The following STON2 variants were observed in gnomAD, a reference collection of about 807,000 sequenced individuals.
STON2 encodes stonin 2.
In STON2, 29 loss-of-function variants were observed where a neutral mutation model predicts 65.7. The ratio of observed to expected loss-of-function variants is 0.44; its 90% CI spans 0.33 to 0.60. STON2 has a LOEUF of 0.60. STON2 is among the 20% of genes least tolerant of loss of function. The pLI, the probability that STON2 is intolerant of heterozygous loss-of-function variation, is 0.03. For missense variants in STON2, 1,054 were observed against 1,118.1 expected, an observed-to-expected ratio of 0.94 and a Z score of 0.82; for synonymous variants, 404 against 414.2, an observed-to-expected ratio of 0.98 and a Z score of 0.30.
intron 4 of STON2, among the ~76,000 whole-genome samples, chr14:81,332,537 T>C (rs1163999716): frequency 1.3e-5 from 2 of 152,344 alleles, no homozygotes; most frequent in South Asian, 2.1e-4. Flanking sequence ...TTACCATATG[T>C]TCCCCACATG....
chr14:81,382,247 CA>C (rs1899560693), intron 3 of STON2, among the ~76,000 whole-genome samples: 1 of 140,500 alleles, frequency 7.1e-6, no homozygotes, highest in Non-Finnish European at 1.5e-5. Flanking sequence ...AGAAAAGAAA[CA>C]ATCCAAATGT....
chr14:81,400,658 A>C (rs1268784343), upstream of STON2, among the ~76,000 whole-genome samples: 1 of 152,124 alleles, frequency 6.6e-6, no homozygotes, highest in East Asian at 1.9e-4. Context: ...ATATTTAAAA[A>C]TTTTAAACTG....
intron 5 of STON2, among the ~76,000 whole-genome samples, chr14:81,281,718 A>G (rs1164504864): frequency 6.6e-6 from 1 of 152,250 alleles, no homozygotes; most frequent in Admixed American, 6.5e-5. Flanking sequence ...TCATTTTCTT[A>G]CAATAAATTC....
chr14:81,315,097 G>A (rs961608148), intron 5 of STON2, among the ~76,000 whole-genome samples: 14 of 152,210 alleles, frequency 9.2e-5, no homozygotes, highest in African/African-American at 3.1e-4. Context: ...GGTAAATGCA[G>A]AGGAAAACCT....
chr14:81,401,740 A>G (rs143182373), upstream of STON2, among the ~76,000 whole-genome samples: 2 of 152,340 alleles, frequency 1.3e-5, no homozygotes, highest in Non-Finnish European at 2.9e-5. Flanking sequence ...CATTTCAGAG[A>G]GCTACTTCTT....
chr14:81,370,984 T>G lies in STON2; in HGVS notation c.571+4A>C. On this transcript the variant is annotated splice_donor_region_variant and intron_variant, in intron 4 of 7. Coordinates refer to ENST00000614646, the MANE Select transcript of STON2 (RefSeq NM_001394390.1). The stretch of plus-strand genomic sequence containing the variant: ...AAGCCCTCTGGCTTAGAGCTCCATC[T>G]TACCAGTTGAGTCAGCCCCAGAAGC... The G allele has an allele frequency of 1.2e-6, 2 of 1,611,998 alleles. No individual in the cohort carries two copies. The highest frequency in any genetic ancestry group is 1.7e-6 in the Non-Finnish European group (2 of 1,179,602).
intron 1 of STON2, among the ~76,000 whole-genome samples, chr14:81,428,504 C>T (rs1002402990): frequency 3.9e-5 from 6 of 152,190 alleles, no homozygotes; most frequent in Non-Finnish European, 5.9e-5. Flanking sequence ...AGGTGGGCTG[C>T]TTGAGGCCAG....
intron 2 of STON2, among the ~76,000 whole-genome samples, chr14:81,409,902 T>C (rs973138624): frequency 6.6e-6 from 1 of 152,238 alleles, no homozygotes; most frequent in Non-Finnish European, 1.5e-5. Context: ...CACCAACTTC[T>C]AGCTAGTTAA....
At chr14:81,274,604 A>C (rs1031177165) in intron 6 of STON2, among the ~76,000 whole-genome samples, 2 of 147,118 alleles carry the variant, frequency 1.4e-5, no homozygotes, top group Non-Finnish European at 3.0e-5. Context: ...GTCAAAATGC[A>C]CTCCTCTCCC....
At chr14:81,428,131 C>T (rs1015117180) in intron 1 of STON2, among the ~76,000 whole-genome samples, 3 of 152,172 alleles carry the variant, frequency 2.0e-5, no homozygotes, top group African/African-American at 7.2e-5. Context: ...TAAAACTCAA[C>T]GCATGATAGC....
rs185747065 is a variant in STON2 at position 81,431,705 on chromosome 14, G to C, written c.-309-4493C>G. 2.3e-3 allele frequency among the ~76,000 whole-genome samples: 343 copies of C among 151,992 alleles called. 2 individuals carry two copies. The highest frequency in any genetic ancestry group is 8.0e-3 in the African/African-American group (331 of 41,456). On this transcript the variant is annotated intron_variant, in intron 1 of 8. Coordinates refer to the STON2 transcript ENST00000553821. ...AGGCAAGAGAATTGCTTGAACCCGG[G>C]AGCCGGAGGTTGCAGTAAGCCGATA...
At position 81,371,143 on chromosome 14, in the gene STON2, T is replaced by A. The variant is rs377110189; in HGVS notation, c.416A>T (p.Asp139Val). The A allele has an allele frequency of 1.2e-6, 2 of 1,613,568 alleles. No individual in the cohort carries two copies. Among genetic ancestry groups the A allele is most frequent in the African/African-American group, 2.7e-5 (2 of 74,740 alleles). Residue 139 changes from aspartate (D) to valine (V), a missense_variant, in exon 4 of 8, where the codon GAC (aspartate) becomes GTC (valine). Physicochemically the swap from Asp to Val is radical, Grantham distance 152. Transcript: ENST00000614646. ...AGTCAGAGGGCATCTCCCCAGGGAG[T>A]CAAAGGAAGGGCATGTCCAGCAGGG... is the stretch of plus-strand genomic sequence containing the variant. ...TMPCWTCPSF[D>V]SLGRCPLTSE...
chr14:81,363,074 T>C (rs932676542), intron 4 of STON2, among the ~76,000 whole-genome samples: 2 of 152,178 alleles, frequency 1.3e-5, no homozygotes, highest in Admixed American at 1.3e-4. Context: ...CCTCCCACAG[T>C]ATACCAGGCA....
intron 4 of STON2, among the ~76,000 whole-genome samples, chr14:81,358,561 T>G (rs1898354775): frequency 1.3e-5 from 2 of 152,170 alleles, no homozygotes; most frequent in South Asian, 4.1e-4. Context: ...ATACTTACCT[T>G]GAATGTAAAT....
intron 2 of STON2, among the ~76,000 whole-genome samples, chr14:81,406,644 T>C (rs953613080): frequency 1.3e-5 from 2 of 152,198 alleles, no homozygotes; most frequent in Non-Finnish European, 2.9e-5. Flanking sequence ...AGGCTTTCCA[T>C]ACTTGGTTGG....
At chr14:81,296,706 G>A (rs1254548384) in intron 5 of STON2, among the ~76,000 whole-genome samples, 5 of 152,096 alleles carry the variant, frequency 3.3e-5, no homozygotes, top group African/African-American at 1.2e-4. Flanking sequence ...AAACACAGAG[G>A]GTTGCTTCCT....
chr14:81,264,723 C>G lies in STON2; in HGVS notation c.*3691G>C. On this transcript the variant is annotated 3_prime_UTR_variant, in exon 8 of 8. Coordinates refer to ENST00000614646, the MANE Select transcript of STON2 (RefSeq NM_001394390.1). ...ACCCTGCCAATAATGCAGGAAGGCACAGTAAGGGAAGAGCCAAATAGAAAA... is the reference window on the plus strand; with the variant it reads ...ACCCTGCCAATAATGCAGGAAGGCAGAGTAAGGGAAGAGCCAAATAGAAAA... 1 of 985,316 alleles carries G rather than the reference C, an allele frequency of 1.0e-6. No homozygotes were observed. The highest frequency in any genetic ancestry group is 1.7e-5 in the African/African-American group (1 of 57,304). 61.0% of individuals were successfully genotyped at this position (985,316 alleles called of 1,614,324 possible).
In STON2 at chr14:81,408,884, T is replaced by C. The variant is rs531158902; in HGVS notation, c.-198-10304A>G. Among the ~76,000 whole-genome samples, 20 of 152,304 alleles carry C rather than the reference T, an allele frequency of 1.3e-4. 2 individuals carry two copies. Among genetic ancestry groups the C allele is most frequent in the Admixed American group, 1.2e-3 (19 of 15,298 alleles). ...TCTGGTAGGAGGTCAGGCTTTAAAGTTTGCAAAACATTTTCCAGTTCCTTG... is the reference window on the plus strand; with the variant it reads ...TCTGGTAGGAGGTCAGGCTTTAAAGCTTGCAAAACATTTTCCAGTTCCTTG... On this transcript the variant is annotated intron_variant, in intron 2 of 8. Transcript: ENST00000553821.
chr14:81,279,683 T>A (rs1193463609), intron 5 of STON2, among the ~76,000 whole-genome samples: 3 of 151,468 alleles, frequency 2.0e-5, no homozygotes, highest in Admixed American at 6.6e-5. Flanking sequence ...AGAGCGAGAC[T>A]CTGTCTCAAA....
Sources: gnomAD v4.1 joint callset for allele counts (sites outside exome capture counted in the v4.1 genomes callset) on GRCh38, gnomAD v4.1.1 for gene constraint, MANE v1.5 for transcripts, NCBI Gene and HGNC (gene_info 2026-07-23, HGNC 2026-07-21) for gene names.